Variants in IQGAP2 observed in about 807,000 individuals in gnomAD.
IQGAP2 encodes the protein IQ motif containing GTPase activating protein 2.
A neutral mutation model predicts 201.3 loss-of-function variants in IQGAP2; 173 were observed. The ratio of observed to expected loss-of-function variants is 0.86; its 90% CI spans 0.76 to 0.98. The LOEUF is 0.98. Ranked by LOEUF, IQGAP2 falls within the 50% of genes least tolerant of loss-of-function variation. IQGAP2 has a pLI of 0.00. For missense variants in IQGAP2, 1,687 were observed against 1,864.8 expected (o/e 0.90, Z 1.76); for synonymous variants, 675 against 673.9 (o/e 1.00, Z -0.03).
At chr5:76,584,198 G>C (rs1746085744) in intron 5 of IQGAP2, among the ~76,000 whole-genome samples, 1 of 152,040 alleles carries the variant, frequency 6.6e-6, no homozygotes, top group African/African-American at 2.4e-5. Context: ...TATAGGAGCT[G>C]TTCCATAAAT....
intron 15 of IQGAP2, among the ~76,000 whole-genome samples, chr5:76,634,294 C>T (rs1750951101): frequency 6.6e-6 from 1 of 151,510 alleles, no homozygotes; most frequent in Admixed American, 6.6e-5. Context: ...TGAAGTCTCA[C>T]TCTGTCACCC....
At chr5:76,560,482 T>C (rs1744291083) in intron 2 of IQGAP2, among the ~76,000 whole-genome samples, 3 of 152,220 alleles carry the variant, frequency 2.0e-5, no homozygotes, top group South Asian at 4.1e-4. Context: ...AATTAGCCTA[T>C]GGTAAAATTG....
chr5:76,535,133 A>G (rs1225871963), intron 2 of IQGAP2, among the ~76,000 whole-genome samples: 1 of 152,140 alleles, frequency 6.6e-6, no homozygotes, highest in Non-Finnish European at 1.5e-5. Context: ...ACTGGGCATG[A>G]TGCTGAGGGC....
At chr5:76,447,042 A>T (rs1390869259) in intron 1 of IQGAP2, among the ~76,000 whole-genome samples, 1 of 152,210 alleles carries the variant, frequency 6.6e-6, no homozygotes, top group East Asian at 1.9e-4. Context: ...TCTGCGGATC[A>T]CAGAGATTGG....
At position 76,592,866 on chromosome 5, in the gene IQGAP2, A is replaced by T; in HGVS notation, c.848A>T (p.Asp283Val). The T allele has an allele frequency of 6.2e-7, 1 of 1,611,874 alleles. No homozygotes were observed. The highest frequency in any genetic ancestry group is 1.1e-5 in the South Asian group (1 of 90,972). Reference sequence around the variant, plus strand: ...AGCTGTATTTCAGAAGAAGAAAGAGATGCTTATGAAGAACTGCTGACACAA... The same window carrying T: ...AGCTGTATTTCAGAAGAAGAAAGAGTTGCTTATGAAGAACTGCTGACACAA... Reference protein sequence around the residue: ...KNSCISEEERDAYEELLTQAE... With the variant: ...KNSCISEEERVAYEELLTQAE... The change falls in exon 9 of 36, where the codon GAT becomes GTT. Residue 283 changes from aspartate (D) to valine (V), a missense_variant. Transcript: ENST00000274364.
chr5:76,479,681 G>A (rs1236189119), intron 2 of IQGAP2, among the ~76,000 whole-genome samples: 1 of 152,142 alleles, frequency 6.6e-6, no homozygotes, highest in African/African-American at 2.4e-5. Context: ...TGCAAATGGA[G>A]CCCCTCAACC....
Position 76,707,461 on chromosome 5 carries a change from C to T in IQGAP2, c.*148C>T, listed in dbSNP as rs1245450488. The T allele has an allele frequency of 1.6e-6, 1 of 616,070 alleles. No individual in the cohort carries two copies. Among genetic ancestry groups the T allele is most frequent in the Non-Finnish European group, 2.9e-6 (1 of 349,204 alleles). The allele number at this position is 616,070 out of a possible 1,614,324, so 38.2% of individuals were successfully genotyped here. ...CCAAAACTGTTCTGAAGAATGTACC[C>T]AGGTGCCTTTTTGCTAATTTGATAC... On this transcript the variant is annotated 3_prime_UTR_variant, in exon 36 of 36. Coordinates refer to ENST00000274364, the MANE Select transcript of IQGAP2 (RefSeq NM_006633.5).
At chr5:76,612,434 G>A (rs1164208221) in intron 13 of IQGAP2, among the ~76,000 whole-genome samples, 1 of 152,160 alleles carries the variant, frequency 6.6e-6, no homozygotes, top group East Asian at 1.9e-4. Flanking sequence ...GGTAGAGGTT[G>A]CAGCGAGCTG....
chr5:76,637,140 G>C lies in IQGAP2; in HGVS notation c.1887G>C (p.Leu629Phe), dbSNP rs2455230. Residue 629 changes from leucine to phenylalanine, a missense_variant, in exon 16 of 36, where the codon TTG (leucine) becomes TTC (phenylalanine). Physicochemically the swap from Leu to Phe is conservative, Grantham distance 22. Coordinates refer to ENST00000274364, the MANE Select transcript of IQGAP2 (RefSeq NM_006633.5). ...CCTGGGTCACACCTGAATCATGCTT[G>C]TATAAAGAATCATGGCTCACAGGAA... ...ESSWVTPESC[L>F]YKESWLTGKE... is the part of the protein sequence containing the mutation. 0.59 allele frequency: 943,478 copies of C among 1,605,036 alleles called. 279,324 individuals are homozygous for C. The highest frequency in any genetic ancestry group is 0.61 in the Middle Eastern group (3,650 of 6,032).
intron 1 of IQGAP2, among the ~76,000 whole-genome samples, chr5:76,428,430 CTTTTTTCTTT>C (rs1394198816): frequency 6.7e-6 from 1 of 149,622 alleles, no homozygotes; most frequent in African/African-American, 2.5e-5. Flanking sequence ...GCTTTGAATC[CTTTTTTCTTT>C]TTTTTTTTTT....
chr5:76,631,890 T>A lies in IQGAP2; in HGVS notation c.1644T>A (p.Cys548Ter), dbSNP rs1483577477. The A allele has an allele frequency of 6.2e-7, 1 of 1,608,196 alleles. No homozygotes were observed. Among genetic ancestry groups the A allele is most frequent in the Admixed American group, 1.7e-5 (1 of 59,200 alleles). ...CTCTGGTGGTTGATGTTAATCAGTG[T>A]TTGGAAGGAAAAAAATCAAGTGATA... ...WVTLVVDVNQ[C>*]LEGKKSSDIL... The change falls in exon 15 of 36, where the codon TGT (cysteine) becomes TGA (stop). Residue 548 changes from cysteine to a stop codon, truncating the protein, a stop_gained. Coordinates refer to ENST00000274364, the MANE Select transcript of IQGAP2 (RefSeq NM_006633.5). LOFTEE classifies it high-confidence loss of function.
chr5:76,480,800 A>T (rs1411408486), intron 2 of IQGAP2, among the ~76,000 whole-genome samples: 4 of 150,806 alleles, frequency 2.7e-5, no homozygotes, highest in Admixed American at 6.6e-5. Context: ...CTGGGCACAC[A>T]GCTGTCTTAG....
chr5:76,614,005 C>T (rs1196864697), intron 13 of IQGAP2, among the ~76,000 whole-genome samples: 1 of 152,162 alleles, frequency 6.6e-6, no homozygotes, highest in Non-Finnish European at 1.5e-5. Flanking sequence ...AAGGTTCTTA[C>T]TAGACGTAGA....
intron 2 of IQGAP2, among the ~76,000 whole-genome samples, chr5:76,550,442 G>A (rs1158189060): frequency 6.6e-6 from 1 of 151,706 alleles, no homozygotes. Flanking sequence ...TGGAGGGAAG[G>A]TCAGCAGATA....
intron 1 of IQGAP2, among the ~76,000 whole-genome samples, chr5:76,439,086 A>G (rs569487572): frequency 2.0e-5 from 3 of 151,972 alleles, no homozygotes; most frequent in East Asian, 3.9e-4. Context: ...AGAATTTTTA[A>G]GTTTCCATCT....
At chr5:76,406,517 T>C (rs1460046687) in intron 1 of IQGAP2, among the ~76,000 whole-genome samples, 1 of 152,246 alleles carries the variant, frequency 6.6e-6, no homozygotes, top group Non-Finnish European at 1.5e-5. Context: ...GTACTATATA[T>C]TGTATGTATA....
chr5:76,683,280 G>T, intron 29 of IQGAP2, 63 bp downstream of exon 29: 1 of 1,090,278 alleles, frequency 9.2e-7, no homozygotes, highest in Non-Finnish European at 1.4e-6. Context: ...TTGGTTGGTT[G>T]GTTCGTTGGT....
At chr5:76,593,506 T>C (rs1010739372) in intron 9 of IQGAP2, among the ~76,000 whole-genome samples, 1 of 152,194 alleles carries the variant, frequency 6.6e-6, no homozygotes, top group Non-Finnish European at 1.5e-5. Flanking sequence ...CTGGCTCAAG[T>C]GTCTGATTGT....
intron 27 of IQGAP2, among the ~76,000 whole-genome samples, chr5:76,675,213 T>C (rs2150494260): frequency 6.6e-6 from 1 of 152,290 alleles, no homozygotes; most frequent in Middle Eastern, 3.4e-3. Context: ...GAAAATACAG[T>C]ATTCATGGGA....
Sources: allele counts gnomAD v4.1 joint callset (sites outside exome capture counted in the v4.1 genomes callset), GRCh38; gene constraint gnomAD v4.1.1; transcripts MANE v1.5; gene names NCBI Gene and HGNC (gene_info 2026-07-23, HGNC 2026-07-21).